ZCWPW2: variants seen among roughly 807,000 people sequenced by gnomAD.
ZCWPW2 encodes the protein zinc finger CW-type and PWWP domain containing 2, also known as zinc finger CW-type PWWP domain protein 2.
Under a neutral mutation model 46.6 loss-of-function variants are expected in ZCWPW2, and 45 were observed. The observed-to-expected ratio is 0.96, with a 90% CI of 0.76 to 1.24. ZCWPW2 has a LOEUF of 1.24. Ranked by LOEUF, ZCWPW2 falls within the 50% of genes most tolerant of loss-of-function variation. The probability of loss-of-function intolerance (pLI) is 0.00; values close to 1 mark genes in which losing one functional copy is unlikely to be tolerated. For missense variants in ZCWPW2, 429 were observed against 403.9 expected, an observed-to-expected ratio of 1.06 and a Z score of -0.53; for synonymous variants, 152 against 137.1, an observed-to-expected ratio of 1.11 and a Z score of -0.76.
In ZCWPW2 at chr3:28,524,511, T is replaced by C; in HGVS notation, c.910-16T>C. On this transcript the variant is annotated splice_polypyrimidine_tract_variant and intron_variant, in intron 9 of 9. Transcript: ENST00000383768. ...AATTTGACATAGTTCCGATTAATTA[T>C]ATGGTTGTTTTGCAGTTATCTAAAT... The C allele has an allele frequency of 1.9e-6, 3 of 1,600,484 alleles. No homozygotes were observed. The highest frequency in any genetic ancestry group is 1.8e-5 in the Admixed American group (1 of 56,600).
intron 1 of ZCWPW2, among the ~76,000 whole-genome samples, chr3:28,360,392 G>A (rs13090951): frequency 0.025 from 3,724 of 148,520 alleles, 141 homozygotes; most frequent in African/African-American, 0.081. Context: ...GCATGGTGGC[G>A]GGTGCCTGTA....
chr3:28,477,732 C>G (rs1393785223), intron 4 of ZCWPW2, among the ~76,000 whole-genome samples: 2 of 151,940 alleles, frequency 1.3e-5, no homozygotes, highest in South Asian at 2.1e-4. Flanking sequence ...GGTGAATTAT[C>G]TTATACATCT....
intron 2 of ZCWPW2, among the ~76,000 whole-genome samples, chr3:28,396,990 G>A (rs774943366): frequency 2.0e-5 from 3 of 152,020 alleles, no homozygotes; most frequent in African/African-American, 4.8e-5. Flanking sequence ...TTAGCTGGGC[G>A]TGGTGGCACA....
At chr3:28,363,594 A>G (rs144391642) in intron 1 of ZCWPW2, among the ~76,000 whole-genome samples, 38 of 152,186 alleles carry the variant, frequency 2.5e-4, no homozygotes, top group African/African-American at 8.7e-4. Flanking sequence ...TACTTTTCAA[A>G]TGCAGACCAA....
intron 4 of ZCWPW2, among the ~76,000 whole-genome samples, chr3:28,474,897 C>T (rs1009025752): frequency 5.3e-5 from 8 of 151,992 alleles, no homozygotes; most frequent in Admixed American, 1.3e-4. Flanking sequence ...GGCAGGATCT[C>T]GGCTCACTGC....
At chr3:28,458,852 A>G (rs570635449) in intron 4 of ZCWPW2, among the ~76,000 whole-genome samples, 1 of 152,266 alleles carries the variant, frequency 6.6e-6, no homozygotes, top group African/African-American at 2.4e-5. Flanking sequence ...TAGCGCATTG[A>G]TTTCTTGCCA....
chr3:28,395,159 G>A (rs1695644953), intron 2 of ZCWPW2, among the ~76,000 whole-genome samples: 1 of 152,026 alleles, frequency 6.6e-6, no homozygotes, highest in Admixed American at 6.6e-5. Context: ...ATGTTGAAAA[G>A]ATGTTCAACA....
intron 1 of ZCWPW2, among the ~76,000 whole-genome samples, chr3:28,384,194 A>C (rs1377270036): frequency 1.3e-5 from 2 of 152,152 alleles, no homozygotes; most frequent in Admixed American, 1.3e-4. Flanking sequence ...ACCCAACCAC[A>C]GTCTTCTTTC....
At chr3:28,497,618 G>C (rs1700027595) in intron 6 of ZCWPW2, among the ~76,000 whole-genome samples, 1 of 152,088 alleles carries the variant, frequency 6.6e-6, no homozygotes, top group Non-Finnish European at 1.5e-5. Flanking sequence ...ATCAGGAGTG[G>C]ACCTTGAGGA....
intron 1 of ZCWPW2, among the ~76,000 whole-genome samples, chr3:28,374,921 T>C (rs866210292): frequency 2.0e-5 from 3 of 152,026 alleles, no homozygotes; most frequent in Non-Finnish European, 4.4e-5. Context: ...AGTGAGGTGT[T>C]AAAGTTCCTT....
chr3:28,492,038 AG>A, intron 5 of ZCWPW2, 88 bp from the exon 6 acceptor site: 1 of 1,289,876 alleles, frequency 7.8e-7, no homozygotes, highest in Non-Finnish European at 1.1e-6. Flanking sequence ...GTAATGAGAA[AG>A]TAGAAAATTC....
intron 2 of ZCWPW2, among the ~76,000 whole-genome samples, chr3:28,404,153 A>G (rs549129164): frequency 7.9e-5 from 12 of 152,246 alleles, no homozygotes; most frequent in Non-Finnish European, 5.9e-5. Context: ...AAGGACTAAT[A>G]TCCAGAATCT....
At chr3:28,383,881 C>T (rs1346093052) in intron 1 of ZCWPW2, among the ~76,000 whole-genome samples, 1 of 152,026 alleles carries the variant, frequency 6.6e-6, no homozygotes, top group Non-Finnish European at 1.5e-5. Flanking sequence ...ACTTTTAAAA[C>T]TGGATTTTTA....
At chr3:28,447,704 C>T (rs746633585) in intron 4 of ZCWPW2, 19 of 494,676 alleles carry the variant, frequency 3.8e-5, no homozygotes, top group Middle Eastern at 6.5e-4. Flanking sequence ...CTTCCACGAA[C>T]GTTGTCTAGA....
rs557035049 is a variant in ZCWPW2, at chr3:28,395,179, A to T, written c.-14+4562A>T. On this transcript the variant is annotated intron_variant, in intron 2 of 9. Transcript: ENST00000383768. ...GAAAAGATGTTCAACATCAATAATC[A>T]TCAGGGAAATGCAAATCAAAACCAC... Among the ~76,000 whole-genome samples, 31 of 152,260 alleles carry T rather than the reference A, an allele frequency of 2.0e-4. No homozygotes were observed. The South Asian group carries it at 6.4e-3, about 32-fold the overall frequency.
chr3:28,392,294 A>G (rs1340714792), intron 2 of ZCWPW2, among the ~76,000 whole-genome samples: 1 of 152,204 alleles, frequency 6.6e-6, no homozygotes, highest in Non-Finnish European at 1.5e-5. Context: ...TGCACCCAAC[A>G]TCATACTACC....
intron 6 of ZCWPW2, among the ~76,000 whole-genome samples, chr3:28,500,611 C>A (rs1297108116): frequency 2.0e-5 from 3 of 152,062 alleles, no homozygotes; most frequent in African/African-American, 7.2e-5. Flanking sequence ...AAAAGTATTT[C>A]TCTCCAAAGT....
At chr3:28,469,297 G>A (rs1352673530) in intron 4 of ZCWPW2, among the ~76,000 whole-genome samples, 1 of 151,828 alleles carries the variant, frequency 6.6e-6, no homozygotes, top group Non-Finnish European at 1.5e-5. Flanking sequence ...AAGAGAAGAA[G>A]GAAGGAAAGA....
At chr3:28,447,995 T>C (rs1212119768) in intron 4 of ZCWPW2, 2 of 473,450 alleles carry the variant, frequency 4.2e-6, no homozygotes, top group African/African-American at 3.9e-5. Context: ...CATGACAGGA[T>C]CAAGTGTGCT....
Sources: gnomAD v4.1 joint callset for allele counts (sites outside exome capture counted in the v4.1 genomes callset) on GRCh38, gnomAD v4.1.1 for gene constraint, MANE v1.5 for transcripts, NCBI Gene and HGNC (gene_info 2026-07-23, HGNC 2026-07-21) for gene names.